Variants in DBNL observed in about 807,000 individuals in gnomAD.
DBNL encodes drebrin-like protein.
A neutral mutation model predicts 62.2 loss-of-function variants in DBNL; 35 were observed. The observed-to-expected ratio is 0.56, with a 90% CI of 0.43 to 0.75. The LOEUF (loss-of-function observed/expected upper bound fraction) is 0.75. Among genes scored for constraint, DBNL ranks in the 30% least tolerant of loss-of-function variants. The pLI is 0.00. For missense variants in DBNL, 495 were observed against 578.4 expected (o/e 0.86, Z 1.48); for synonymous variants, 197 against 218.0 (o/e 0.90, Z 0.85).
Position 44,064,663 on chromosome 7 carries a change from A to G in DBNL, c.*3747A>G. The G allele has an allele frequency of 4.5e-6, 3 of 660,036 alleles. No individual in the cohort carries two copies. Among genetic ancestry groups the G allele is most frequent in the South Asian group, 3.6e-5 (2 of 55,206 alleles). The allele number at this position is 660,036 out of a possible 1,614,324, so 40.9% of individuals were successfully genotyped here. A position where few individuals can be genotyped will look rare whatever the true frequency, so the allele number is the denominator to read the frequency against. ...GTGTCCCAGTTACACAGAAATGGGG[A>G]AAATTTCACAAAACTAAAAAATGGC... is the stretch of plus-strand genomic sequence containing the variant. On this transcript the variant is annotated 3_prime_UTR_variant, in exon 13 of 13. Transcript: ENST00000448521.
chr7:44,044,778 A>G lies in DBNL; in HGVS notation c.41A>G (p.Glu14Gly). The change falls in exon 1 of 13, where the codon GAG becomes GGG. Residue 14 changes from glutamate to glycine, a missense_variant. By Grantham distance (98) the Glu-to-Gly change is moderately conservative. Coordinates refer to ENST00000448521, the MANE Select transcript of DBNL (RefSeq NM_001014436.3). ...NLSRNGPALQ[E>G]AYVRVVTEKS... ...AGCCGGAACGGGCCAGCGCTGCAAGAGGCCTACGTGCGGGTGGTCACCGAG... is the reference window on the plus strand; with the variant it reads ...AGCCGGAACGGGCCAGCGCTGCAAGGGGCCTACGTGCGGGTGGTCACCGAG... 6 of 1,504,832 alleles carry G rather than the reference A, an allele frequency of 4.0e-6. No homozygotes were observed. Among genetic ancestry groups the G allele is most frequent in the Non-Finnish European group, 5.3e-6 (6 of 1,127,624 alleles). The allele number at this position is 1,504,832 out of a possible 1,614,324, so 93.2% of individuals were successfully genotyped here. A position where few individuals can be genotyped will look rare whatever the true frequency, so the allele number is the denominator to read the frequency against.
In DBNL at chr7:44,068,623, C is replaced by T. The variant is rs1189435469; in HGVS notation, c.*7707C>T. 1.3e-5 allele frequency: 2 copies of T among 152,158 alleles called. No individual in the cohort carries two copies. Among genetic ancestry groups the T allele is most frequent in the Admixed American group, 6.5e-5 (1 of 15,270 alleles). 9.4% of individuals were successfully genotyped at this position (152,158 alleles called of 1,614,324 possible). A position where few individuals can be genotyped will look rare whatever the true frequency, so the allele number is the denominator to read the frequency against. On this transcript the variant is annotated 3_prime_UTR_variant, in exon 13 of 13. Transcript: ENST00000448521. Reference sequence around the variant, plus strand: ...GAAAAGAAGATGATCAATACATGCCCATCCTGAGATGATTCAACTATTGGA... The same window carrying T: ...GAAAAGAAGATGATCAATACATGCCTATCCTGAGATGATTCAACTATTGGA...
At position 44,065,753 on chromosome 7, in the gene DBNL, C is replaced by T. The variant is rs1485022968; in HGVS notation, c.*4837C>T. ...AAATAGCCCCACGCATCCACCAGCTCCTGGCCTGGGTTCAGGTGGCATGTC... is the reference window on the plus strand; with the variant it reads ...AAATAGCCCCACGCATCCACCAGCTTCTGGCCTGGGTTCAGGTGGCATGTC... On this transcript the variant is annotated 3_prime_UTR_variant, in exon 13 of 13. Transcript: ENST00000448521. 1.2e-5 allele frequency: 7 copies of T among 600,924 alleles called. No homozygotes were observed. The highest frequency in any genetic ancestry group is 2.1e-5 in the Non-Finnish European group (7 of 335,380). 37.2% of individuals were successfully genotyped at this position (600,924 alleles called of 1,614,324 possible). A position where few individuals can be genotyped will look rare whatever the true frequency, so the allele number is the denominator to read the frequency against.
chr7:44,047,909 CCTT>C (rs2096120117), intron 1 of DBNL, among the ~76,000 whole-genome samples: 1 of 123,700 alleles, frequency 8.1e-6, no homozygotes, highest in Admixed American at 1.0e-4. Flanking sequence ...CTGCTGAGTC[CCTT>C]TTTTTTTTTT....
chr7:44,044,721 A>G lies in DBNL; in HGVS notation c.-17A>G. On this transcript the variant is annotated 5_prime_UTR_variant, in exon 1 of 13. Transcript: ENST00000448521. ...CCCGGAAGCTACAGCAGCGGCGCGG[A>G]GACTGCGGGGCGGGCCATGGCGGCG... 1 of 1,486,040 alleles carries G rather than the reference A, an allele frequency of 6.7e-7. No individual in the cohort carries two copies. The highest frequency in any genetic ancestry group is 8.9e-7 in the Non-Finnish European group (1 of 1,119,740). The allele number at this position is 1,486,040 out of a possible 1,614,324, so 92.1% of individuals were successfully genotyped here.
chr7:44,049,628 C>T (rs934575903), intron 1 of DBNL, among the ~76,000 whole-genome samples: 5 of 152,140 alleles, frequency 3.3e-5, no homozygotes, highest in African/African-American at 1.2e-4. Context: ...TCGTGTCATT[C>T]CTTTGTGGTT....
rs1368115530 is a variant in DBNL, at chr7:44,067,005, A to T, written c.*6089A>T. On this transcript the variant is annotated 3_prime_UTR_variant, in exon 13 of 13. Transcript: ENST00000448521. ...AAGCCCATATTTCAGTGGAGGAGGG[A>T]TCGTACCAGCAGCTAAACATGCCTA... 1 of 152,462 alleles carries T rather than the reference A, an allele frequency of 6.6e-6. No homozygotes were observed. Among genetic ancestry groups the T allele is most frequent in the Non-Finnish European group, 1.5e-5 (1 of 68,182 alleles). 9.4% of individuals were successfully genotyped at this position (152,462 alleles called of 1,614,324 possible).
In DBNL at chr7:44,065,964, TTCTC is replaced by T; in HGVS notation, c.*5049_*5052del. On this transcript the variant is annotated 3_prime_UTR_variant, in exon 13 of 13. Transcript: ENST00000448521. ...AGGCACAAACAAAATCCCAACCCCTTTCTCCTGTGATTGGCAGCCAGGCTAGGAG... is the reference window on the plus strand; with the variant it reads ...AGGCACAAACAAAATCCCAACCCCTTCTGTGATTGGCAGCCAGGCTAGGAG... The T allele has an allele frequency of 3.4e-6, 1 of 291,376 alleles. No individual in the cohort carries two copies. Among genetic ancestry groups the T allele is most frequent in the Non-Finnish European group, 6.8e-6 (1 of 147,578 alleles). The allele number at this position is 291,376 out of a possible 1,614,324, so 18.0% of individuals were successfully genotyped here. A position where few individuals can be genotyped will look rare whatever the true frequency, so the allele number is the denominator to read the frequency against.
In DBNL at chr7:44,065,687, C is replaced by A; in HGVS notation, c.*4771C>A. On this transcript the variant is annotated 3_prime_UTR_variant, in exon 13 of 13. Coordinates refer to ENST00000448521, the MANE Select transcript of DBNL (RefSeq NM_001014436.3). ...TGACCAGTAGCTGAGCTGCTGGGGG[C>A]TGGGGGCCAGGGGAGTGTGCAGGCC... The A allele has an allele frequency of 1.4e-6, 1 of 719,940 alleles. No individual in the cohort carries two copies. The allele number at this position is 719,940 out of a possible 1,614,324, so 44.6% of individuals were successfully genotyped here.
chr7:44,053,959 A>G (rs576646246), intron 4 of DBNL, among the ~76,000 whole-genome samples: 112 of 152,182 alleles, frequency 7.4e-4, no homozygotes, highest in Non-Finnish European at 1.2e-3. Flanking sequence ...TACAGGCGTG[A>G]ACCACCACGC....
chr7:44,050,099 GTGCCCAC>G, intron 1 of DBNL, 119 bp from the exon 2 acceptor site: 1 of 1,065,380 alleles, frequency 9.4e-7, no homozygotes, highest in Non-Finnish European at 1.4e-6. Context: ...GAACGGGCCT[GTGCCCAC>G]CCACAGTGTT....
Position 44,052,961 on chromosome 7 carries a change from G to C in DBNL, c.327+20G>C, listed in dbSNP as rs376772715. 1 of 1,607,190 alleles carries C rather than the reference G, an allele frequency of 6.2e-7. No homozygotes were observed. Among genetic ancestry groups the C allele is most frequent in the Admixed American group, 1.7e-5 (1 of 59,450 alleles). ...CTGAAGGTAAGGCCAGGTGAGGCCC[G>C]CTTCACTGGGAACAGGCCTCACAGG... On this transcript the variant is annotated intron_variant, in intron 4 of 12. Coordinates refer to ENST00000448521, the MANE Select transcript of DBNL (RefSeq NM_001014436.3).
Position 44,060,943 on chromosome 7 carries a change from C to A in DBNL, c.*27C>A. 1.9e-6 allele frequency: 3 copies of A among 1,606,686 alleles called. No individual in the cohort carries two copies. Among genetic ancestry groups the A allele is most frequent in the Non-Finnish European group, 2.6e-6 (3 of 1,175,674 alleles). On this transcript the variant is annotated 3_prime_UTR_variant, in exon 13 of 13. Coordinates refer to ENST00000448521, the MANE Select transcript of DBNL (RefSeq NM_001014436.3). The surrounding 1 kb of genome is among the most constrained non-coding windows in gnomAD (Gnocchi z 6.3). ...GCTGAGGGCACATCTTGCCCTTCCC[C>A]TCTCAGACATGGCTTCCTTATTGCT...
At chr7:44,056,976 TC>T (rs2096137613) in intron 5 of DBNL, 73 bp downstream of exon 5, 10 of 1,595,406 alleles carry the variant, frequency 6.3e-6, no homozygotes, top group African/African-American at 1.3e-5. Context: ...AATATGCACT[TC>T]CCAGCACCCG....
rs1189912350 is a variant in DBNL at position 44,069,339 on chromosome 7, A to T, written c.*8423A>T. The T allele has an allele frequency of 6.6e-6, 1 of 152,252 alleles. No individual in the cohort carries two copies. The highest frequency in any genetic ancestry group is 1.5e-5 in the Non-Finnish European group (1 of 68,052). 9.4% of individuals were successfully genotyped at this position (152,252 alleles called of 1,614,324 possible). A position where few individuals can be genotyped will look rare whatever the true frequency, so the allele number is the denominator to read the frequency against. The stretch of plus-strand genomic sequence containing the variant: ...GTGTATACAGATGTAAGACAACTAG[A>T]ACATGAGGGGAGAAGGGTGAAGGGA... On this transcript the variant is annotated 3_prime_UTR_variant, in exon 13 of 13. Coordinates refer to ENST00000448521, the MANE Select transcript of DBNL (RefSeq NM_001014436.3).
chr7:44,059,697 G>GC lies in DBNL; in HGVS notation c.1047+40dup. ...CTGGGGCTGGGGCCAGGAAGGGGCTGCATACTCAGGAACACTTATCACGGG... is the reference window on the plus strand; with the variant it reads ...CTGGGGCTGGGGCCAGGAAGGGGCTGCCATACTCAGGAACACTTATCACGGG... On this transcript the variant is annotated intron_variant, in intron 11 of 12. Coordinates refer to ENST00000448521, the MANE Select transcript of DBNL (RefSeq NM_001014436.3). This position sits in a 1 kb window ranked among gnomAD's most constrained non-coding sequence, Gnocchi z 4.1. 1 of 1,540,726 alleles carries GC rather than the reference G, an allele frequency of 6.5e-7. No homozygotes were observed. The highest frequency in any genetic ancestry group is 8.7e-7 in the Non-Finnish European group (1 of 1,144,996).
chr7:44,052,927 G>A lies in DBNL; in HGVS notation c.313G>A (p.Ala105Thr), dbSNP rs1472274500. 6.2e-7 allele frequency: 1 copy of A among 1,613,392 alleles called. No individual in the cohort carries two copies. The highest frequency in any genetic ancestry group is 8.5e-7 in the Non-Finnish European group (1 of 1,179,966). ...CTGTGCCAGCCACGTCAGCACCATG[G>A]CCAGCTTCCTGAAGGTAAGGCCAGG... ...GACASHVSTM[A>T]SFLKGAHVTI... The change falls in exon 4 of 13, where the codon GCC (alanine) becomes ACC (threonine). Residue 105 changes from alanine to threonine, a missense_variant. By Grantham distance (58) the Ala-to-Thr change is moderately conservative. Transcript: ENST00000448521.
chr7:44,058,651 CG>C, intron 8 of DBNL, 171 bp downstream of exon 8: 2 of 977,652 alleles, frequency 2.0e-6, no homozygotes, highest in Non-Finnish European at 3.0e-6. Context: ...AAGCCAAAGG[CG>C]GAAGCGTCGG....
In DBNL at chr7:44,063,442, C is replaced by T. The variant is rs752185189; in HGVS notation, c.*2526C>T. On this transcript the variant is annotated 3_prime_UTR_variant, in exon 13 of 13. Coordinates refer to ENST00000448521, the MANE Select transcript of DBNL (RefSeq NM_001014436.3). The stretch of plus-strand genomic sequence containing the variant: ...GATTACAGGTGAGCGCCACCACACC[C>T]GGCTAATTTTGTATTTTTAGTAGAA... 16 of 184,580 alleles carry T rather than the reference C, an allele frequency of 8.7e-5. No individual in the cohort carries two copies. Among genetic ancestry groups the T allele is most frequent in the Admixed American group, 2.1e-4 (4 of 18,724 alleles). The allele number at this position is 184,580 out of a possible 1,614,324, so 11.4% of individuals were successfully genotyped here. A position where few individuals can be genotyped will look rare whatever the true frequency, so the allele number is the denominator to read the frequency against.
Sources: allele counts gnomAD v4.1 joint callset (sites outside exome capture counted in the v4.1 genomes callset), GRCh38; gene constraint gnomAD v4.1.1; non-coding constraint Gnocchi (gnomAD v3.1); transcripts MANE v1.5; gene names NCBI Gene and HGNC (gene_info 2026-07-23, HGNC 2026-07-21).